Variants in MCU observed in about 807,000 individuals in gnomAD.
The protein encoded by MCU is mitochondrial calcium uniporter.
A neutral mutation model predicts 45.2 loss-of-function variants in MCU; 12 were observed. The ratio of observed to expected loss-of-function variants is 0.27; its 90% CI spans 0.17 to 0.43. The LOEUF is 0.43. Among genes scored for constraint, MCU ranks in the 20% least tolerant of loss-of-function variants. The pLI is 1.00. For missense variants in MCU, 324 were observed against 436.7 expected, an observed-to-expected ratio of 0.74 and a Z score of 2.30; for synonymous variants, 160 against 165.1, an observed-to-expected ratio of 0.97 and a Z score of 0.24.
At chr10:72,700,150 C>T (rs565873616) in intron 1 of MCU, among the ~76,000 whole-genome samples, 40 of 149,142 alleles carry the variant, frequency 2.7e-4, no homozygotes, top group Non-Finnish European at 5.1e-4. Context: ...GCCTCTGCCC[C>T]CAGAGTTCAA....
intron 6 of MCU, among the ~76,000 whole-genome samples, chr10:72,883,735 A>G (rs952665872): frequency 6.6e-6 from 1 of 152,348 alleles, no homozygotes; most frequent in Non-Finnish European, 1.5e-5. Context: ...ACAATATAAT[A>G]TAATGGAAAT....
At chr10:72,816,483 T>A (rs998737091) in intron 1 of MCU, among the ~76,000 whole-genome samples, 1 of 152,188 alleles carries the variant, frequency 6.6e-6, no homozygotes, top group African/African-American at 2.4e-5. Flanking sequence ...ACAACAGTGA[T>A]TAAGACTAAG....
At chr10:72,835,000 A>G (rs922252399) in intron 2 of MCU, among the ~76,000 whole-genome samples, 41 of 152,188 alleles carry the variant, frequency 2.7e-4, no homozygotes, top group African/African-American at 9.7e-4. Flanking sequence ...AGATCACAGA[A>G]GCACCATCTT....
intron 1 of MCU, among the ~76,000 whole-genome samples, chr10:72,818,841 CA>C (rs199955521): frequency 0.022 from 1,972 of 87,800 alleles, 18 homozygotes; most frequent in African/African-American, 0.046. Flanking sequence ...ACCTCTGTCT[CA>C]AAAAAAAAAA....
intron 1 of MCU, among the ~76,000 whole-genome samples, chr10:72,804,099 T>C (rs1589469322): frequency 4.1e-5 from 1 of 24,422 alleles, no homozygotes; most frequent in Non-Finnish European, 1.6e-4. Flanking sequence ...ACAATTTACA[T>C]TTTTTTTTTT....
intron 1 of MCU, among the ~76,000 whole-genome samples, chr10:72,721,535 C>T (rs905418485): frequency 3.3e-5 from 5 of 152,212 alleles, no homozygotes; most frequent in African/African-American, 1.2e-4. Flanking sequence ...ATTCCTCAAA[C>T]ATGCTGAACA....
At chr10:72,867,036 C>G (rs1845467783) in intron 4 of MCU, among the ~76,000 whole-genome samples, 1 of 148,932 alleles carries the variant, frequency 6.7e-6, no homozygotes, top group African/African-American at 2.5e-5. Context: ...CCCATTAATT[C>G]AGCACACATT....
intron 1 of MCU, among the ~76,000 whole-genome samples, chr10:72,727,960 G>A (rs1434202758): frequency 6.6e-6 from 1 of 151,090 alleles, no homozygotes; most frequent in Non-Finnish European, 1.5e-5. Context: ...GGATGCCAGA[G>A]AATCAGTCTT....
At chr10:72,735,725 C>T (rs1318593913) in intron 1 of MCU, among the ~76,000 whole-genome samples, 11 of 152,146 alleles carry the variant, frequency 7.2e-5, no homozygotes, top group Admixed American at 7.2e-4. Context: ...TTTGTTCAAG[C>T]AGAAGCTGGA....
chr10:72,692,393 G>A, intron 1 of MCU, 92 bp downstream of exon 1: 1 of 983,502 alleles, frequency 1.0e-6, no homozygotes, highest in Non-Finnish European at 1.2e-6. Flanking sequence ...CAGCAGGCGA[G>A]TTACCTCAAC....
intron 1 of MCU, among the ~76,000 whole-genome samples, chr10:72,702,776 A>AGTG (rs2132650759): frequency 6.6e-6 from 1 of 152,248 alleles, no homozygotes; most frequent in East Asian, 1.9e-4. Context: ...CAGGAGCTCA[A>AGTG]GACCAGCCTG....
At chr10:72,822,612 TATAAG>T (rs1156390638) in intron 1 of MCU, among the ~76,000 whole-genome samples, 1 of 152,154 alleles carries the variant, frequency 6.6e-6, no homozygotes, top group Non-Finnish European at 1.5e-5. Flanking sequence ...CATCATTACT[TATAAG>T]AGAAATGGAA....
At chr10:72,702,930 A>G (rs1842776104) in intron 1 of MCU, among the ~76,000 whole-genome samples, 1 of 151,782 alleles carries the variant, frequency 6.6e-6, no homozygotes, top group Admixed American at 6.6e-5. Context: ...GTGAGCTGAC[A>G]TGGTGCCATT....
chr10:72,712,041 C>CA (rs1159908551), intron 1 of MCU, among the ~76,000 whole-genome samples: 1 of 151,032 alleles, frequency 6.6e-6, no homozygotes, highest in Non-Finnish European at 1.5e-5. Context: ...AAAAAAAACC[C>CA]AAAAAACAAA....
Position 72,804,017 on chromosome 10 carries a change from A to AATATAT in MCU, c.151-30290_151-30285dup, listed in dbSNP as rs35518652. ...TCTCTTTGTTTTTGGAATGTAAGTAAATATATATATATATATATATATATA... is the reference window on the plus strand; with the variant it reads ...TCTCTTTGTTTTTGGAATGTAAGTAAATATATATATATATATATATATATATATATA... On this transcript the variant is annotated intron_variant, in intron 1 of 7. Coordinates refer to ENST00000373053, the MANE Select transcript of MCU (RefSeq NM_138357.3). Among the ~76,000 whole-genome samples, 47 of 34,872 alleles carry AATATAT rather than the reference A, an allele frequency of 1.3e-3. 1 individual carries two copies. The highest frequency in any genetic ancestry group is 1.9e-3 in the Non-Finnish European group (29 of 15,118). 22.9% of individuals were successfully genotyped at this position (34,872 alleles called of 152,430 possible). A position where few individuals can be genotyped will look rare whatever the true frequency, so the allele number is the denominator to read the frequency against.
intron 1 of MCU, among the ~76,000 whole-genome samples, chr10:72,830,367 T>C (rs1844861627): frequency 6.6e-6 from 1 of 152,230 alleles, no homozygotes; most frequent in African/African-American, 2.4e-5. Flanking sequence ...AAGGATAATT[T>C]ATGAACTCAT....
chr10:72,834,373 C>T lies in MCU; in HGVS notation c.165C>T (p.Ile55=), dbSNP rs1408865204. The T allele has an allele frequency of 8.7e-6, 14 of 1,613,508 alleles. No homozygotes were observed. Among genetic ancestry groups the T allele is most frequent in the African/African-American group, 1.3e-5 (1 of 74,914 alleles). ...GTGTTTTCTAGGTACACCAGAGGAT[C>T]GCTTCCTGGCAGAATTTGGGAGCTG... ...QQHHRTVHQR[I]ASWQNLGAVY... Residue 55 remains isoleucine (I), a synonymous_variant, in exon 2 of 8, where the codon ATC becomes ATT. Transcript: ENST00000373053.
intron 1 of MCU, among the ~76,000 whole-genome samples, chr10:72,767,596 C>T (rs1589450888): frequency 6.6e-6 from 1 of 152,036 alleles, no homozygotes; most frequent in Admixed American, 6.6e-5. Flanking sequence ...GATCCTTCAG[C>T]CTCAGCCTCC....
intron 1 of MCU, among the ~76,000 whole-genome samples, chr10:72,791,985 C>T (rs947954532): frequency 1.3e-5 from 2 of 152,220 alleles, no homozygotes; most frequent in African/African-American, 4.8e-5. Context: ...AGCTCTTCCA[C>T]TTCCTAGCTG....
Sources: gnomAD v4.1 joint callset for allele counts (sites outside exome capture counted in the v4.1 genomes callset) on GRCh38, gnomAD v4.1.1 for gene constraint, MANE v1.5 for transcripts, NCBI Gene and HGNC (gene_info 2026-07-23, HGNC 2026-07-21) for gene names.